The following ACYP2 variants were observed in gnomAD, a reference collection of about 807,000 sequenced individuals.
ACYP2 encodes the protein acylphosphatase 2.
In ACYP2, 12 loss-of-function variants were observed where a neutral mutation model predicts 11.2. That is an observed-to-expected ratio of 1.08 (90% CI 0.69 to 1.74). The LOEUF is 1.74. Among genes scored for constraint, ACYP2 ranks in the 40% most tolerant of loss-of-function variants. The pLI is 0.00. For missense variants in ACYP2, 134 were observed against 101.9 expected (o/e 1.31, Z -1.35); for synonymous variants, 43 against 32.2 (o/e 1.33, Z -1.13).
chr2:54,116,656 G>A (rs1015008981), intron 4 of ACYP2, among the ~76,000 whole-genome samples: 3 of 152,112 alleles, frequency 2.0e-5, no homozygotes, highest in African/African-American at 7.2e-5. Flanking sequence ...GTGCCAAAAA[G>A]AAGAACTAGC....
chr2:54,004,704 T>C (rs1356395610), intron 2 of ACYP2, among the ~76,000 whole-genome samples: 2 of 151,706 alleles, frequency 1.3e-5, no homozygotes, highest in East Asian at 1.9e-4. Flanking sequence ...GCCACCGCGC[T>C]CAGCCAGTTT....
intron 2 of ACYP2, among the ~76,000 whole-genome samples, chr2:53,984,602 A>G (rs984697298): frequency 6.6e-6 from 1 of 151,100 alleles, no homozygotes; most frequent in South Asian, 2.1e-4. Flanking sequence ...TGAATCCAGA[A>G]AAGTGTGTGT....
intron 2 of ACYP2, among the ~76,000 whole-genome samples, chr2:54,038,158 T>G (rs1425629281): frequency 6.6e-6 from 1 of 152,206 alleles, no homozygotes; most frequent in African/African-American, 2.4e-5. Flanking sequence ...GACAGATTTA[T>G]TCTAACCTCT....
intron 4 of ACYP2, among the ~76,000 whole-genome samples, chr2:54,096,457 G>A (rs575664311): frequency 3.3e-5 from 5 of 152,064 alleles, no homozygotes; most frequent in Admixed American, 6.6e-5. Context: ...CTGTACTCTC[G>A]GCACTTTGGG....
At chr2:53,982,828 C>CTCTGTGTGTG (rs375187346) in intron 2 of ACYP2, among the ~76,000 whole-genome samples, 144 of 140,608 alleles carry the variant, frequency 1.0e-3, no homozygotes, top group African/African-American at 3.8e-3. Context: ...TCACACAAGA[C>CTCTGTGTGTG]TGTGTGTGTG....
At chr2:54,082,253 CT>C (rs59568295) in intron 4 of ACYP2, among the ~76,000 whole-genome samples, 10 of 143,892 alleles carry the variant, frequency 6.9e-5, no homozygotes, top group African/African-American at 1.8e-4. Flanking sequence ...TTTTTTTTTT[CT>C]TTTTTTTTTG....
chr2:54,304,622 G>A lies in ACYP2; in HGVS notation c.405-66G>A, dbSNP rs189679616. On this transcript the variant is annotated intron_variant, in intron 6 of 6. Transcript: ENST00000607452. ...AAACTCCCATTAATACCTACTGTGG[G>A]CTCATTTTAGCTGATCCATGTATAC... 521 of 1,107,484 alleles carry A rather than the reference G, an allele frequency of 4.7e-4. 1 individual carries two copies. The African/African-American group carries it at 6.9e-3, about 15-fold the overall frequency. The allele number at this position is 1,107,484 out of a possible 1,614,324, so 68.6% of individuals were successfully genotyped here. A position where few individuals can be genotyped will look rare whatever the true frequency, so the allele number is the denominator to read the frequency against.
chr2:54,014,024 G>A (rs1428408604), intron 2 of ACYP2, among the ~76,000 whole-genome samples: 1 of 152,088 alleles, frequency 6.6e-6, no homozygotes, highest in African/African-American at 2.4e-5. Flanking sequence ...CGGGAGTGGT[G>A]GCAGGCACTT....
At chr2:54,244,961 C>T (rs988409579) in intron 6 of ACYP2, among the ~76,000 whole-genome samples, 1 of 152,106 alleles carries the variant, frequency 6.6e-6, no homozygotes, top group South Asian at 2.1e-4. Flanking sequence ...CCCTATAGTG[C>T]TATAAAACAG....
chr2:54,279,369 C>T (rs1688746834), intron 6 of ACYP2, among the ~76,000 whole-genome samples: 1 of 152,142 alleles, frequency 6.6e-6, no homozygotes, highest in South Asian at 2.1e-4. Context: ...GGACCACAAG[C>T]CTACCACATA....
At chr2:54,077,602 A>C (rs1328342165) in intron 4 of ACYP2, among the ~76,000 whole-genome samples, 2 of 152,230 alleles carry the variant, frequency 1.3e-5, no homozygotes, top group African/African-American at 4.8e-5. Context: ...AACCAGGCAG[A>C]GAAGTGGCTT....
intron 6 of ACYP2, among the ~76,000 whole-genome samples, chr2:54,217,252 A>G (rs1048365386): frequency 1.3e-5 from 2 of 152,188 alleles, no homozygotes; most frequent in Non-Finnish European, 2.9e-5. Context: ...TATTCTCCCA[A>G]TGTCTAATAC....
At chr2:53,993,245 G>C (rs973391132) in intron 2 of ACYP2, among the ~76,000 whole-genome samples, 1 of 152,090 alleles carries the variant, frequency 6.6e-6, no homozygotes, top group South Asian at 2.1e-4. Context: ...AGAGATGCTA[G>C]CCCATCTTTG....
chr2:54,218,822 A>T (rs1176144296), intron 6 of ACYP2, among the ~76,000 whole-genome samples: 1 of 152,168 alleles, frequency 6.6e-6, no homozygotes, highest in African/African-American at 2.4e-5. Context: ...CCTTTCTATT[A>T]GGAAAACAGT....
intron 4 of ACYP2, 49 bp from the exon 2 acceptor site, chr2:54,135,403 CT>C: frequency 6.3e-7 from 1 of 1,578,946 alleles, no homozygotes; most frequent in East Asian, 2.3e-5. Context: ...AACATATAAC[CT>C]TTTAAAGGAG....
At chr2:54,077,315 C>T (rs1368636100) in intron 4 of ACYP2, among the ~76,000 whole-genome samples, 1 of 152,158 alleles carries the variant, frequency 6.6e-6, no homozygotes, top group Non-Finnish European at 1.5e-5. Context: ...ACTATAAGCT[C>T]CTTGGTGCAT....
chr2:54,227,016 T>A (rs1187506098), intron 6 of ACYP2, among the ~76,000 whole-genome samples: 1 of 152,196 alleles, frequency 6.6e-6, no homozygotes, highest in African/African-American at 2.4e-5. Flanking sequence ...GAACTTGTTA[T>A]TTTGGTGAAG....
At position 54,134,391 on chromosome 2, in the gene ACYP2, A is replaced by G. The variant is rs79563585; in HGVS notation, c.278-1062A>G. Among the ~76,000 whole-genome samples, 693 of 152,290 alleles carry G rather than the reference A, an allele frequency of 4.6e-3. 6 individuals are homozygous for G. The highest frequency in any genetic ancestry group is 0.016 in the African/African-American group (674 of 41,566). On this transcript the variant is annotated intron_variant, in intron 4 of 6. Coordinates refer to ENST00000607452, the MANE Select transcript of ACYP2 (RefSeq NM_001320586.2). The stretch of plus-strand genomic sequence containing the variant: ...TCAAGCATATCATTTCATAAGTTTC[A>G]TTGGTTCTATAACTAGAAATAAAAT...
chr2:54,274,741 A>G (rs1222429506), intron 6 of ACYP2, among the ~76,000 whole-genome samples: 1 of 152,066 alleles, frequency 6.6e-6, no homozygotes, highest in Non-Finnish European at 1.5e-5. Flanking sequence ...GATTTTCCCT[A>G]AGTTTTTATA....
Sources: gnomAD v4.1 joint callset for allele counts (sites outside exome capture counted in the v4.1 genomes callset) on GRCh38, gnomAD v4.1.1 for gene constraint, MANE v1.5 for transcripts, NCBI Gene and HGNC (gene_info 2026-07-23, HGNC 2026-07-21) for gene names.